AMN: variants seen among roughly 807,000 people sequenced by gnomAD.
The protein encoded by AMN is protein amnionless.
In AMN, 40 loss-of-function variants were observed where a neutral mutation model predicts 49.1. That is an observed-to-expected ratio of 0.81 (90% CI 0.63 to 1.06). The LOEUF (loss-of-function observed/expected upper bound fraction) is 1.06. Among genes scored for constraint, AMN ranks in the 50% least tolerant of loss-of-function variants. The pLI, the probability that AMN is intolerant of heterozygous loss-of-function variation, is 0.00. For missense variants in AMN, 701 were observed against 662.8 expected (o/e 1.06, Z -0.63); for synonymous variants, 380 against 313.3 (o/e 1.21, Z -2.25).
chr14:102,928,694 C>CGTGGCGTGGCGTGGT lies in AMN; in HGVS notation c.296-57_296-43dup. ...GGTCGTGCTCAGACGCGTGGCGTGG[C>CGTGGCGTGGCGTGGT]GTGGCGTGGCGTGGTGTGGCGCGGC... is the stretch of plus-strand genomic sequence containing the variant. On this transcript the variant is annotated intron_variant, in intron 4 of 11. Transcript: ENST00000299155. 3 of 1,549,806 alleles carry CGTGGCGTGGCGTGGT rather than the reference C, an allele frequency of 1.9e-6. No individual in the cohort carries two copies. In the South Asian group the frequency reaches 3.4e-5, roughly 18 times the overall value.
rs1566825424 is a variant in AMN at position 102,923,723 on chromosome 14, CG to C, written c.58del (p.Val20SerfsTer179). 16 of 1,612,602 alleles carry C rather than the reference CG, an allele frequency of 9.9e-6. No homozygotes were observed. Among genetic ancestry groups the C allele is most frequent in the Non-Finnish European group, 1.4e-5 (16 of 1,179,702 alleles). ...GCCTCCTCCCCAGCACTGACCCAGG[CG>C]GTCTCCAAACTCTGGGTCCCCAACA... ...LWLQLCALTQAVSKLWVPNTD... is the reference protein window; with the variant it reads ...LWLQLCALTQXVSKLWVPNTD... On this transcript the variant is annotated frameshift_variant, in exon 2 of 12. Transcript: ENST00000299155. LOFTEE classifies it high-confidence loss of function.
chr14:102,926,512 A>T (rs918711054), intron 3 of AMN, among the ~76,000 whole-genome samples: 3 of 151,638 alleles, frequency 2.0e-5, no homozygotes, highest in Admixed American at 2.0e-4. Flanking sequence ...TGTGGATCTC[A>T]TTGTTGCAGA....
rs780417907 is a variant in AMN, at chr14:102,930,604, C to T, written c.1286C>T (p.Pro429Leu). 8 of 1,588,648 alleles carry T rather than the reference C, an allele frequency of 5.0e-6. No individual in the cohort carries two copies. The highest frequency in any genetic ancestry group is 4.6e-5 in the East Asian group (2 of 43,040). ...LPLPRRLSLV[P>L]KAAADSTSHS... is the part of the protein sequence containing the mutation. The stretch of plus-strand genomic sequence containing the variant: ...CTGCCGCGGCGGCTCAGCCTGGTTC[C>T]GAAGGCGGCCGCAGACAGCACCAGC... The change falls in exon 12 of 12, where the codon CCG becomes CTG. Residue 429 changes from proline (P) to leucine (L), a missense_variant. Physicochemically the swap from Pro to Leu is moderately conservative, Grantham distance 98 (BLOSUM62 -3). Coordinates refer to ENST00000299155, the MANE Select transcript of AMN (RefSeq NM_030943.4).
chr14:102,930,117 G>GCGCCT (rs1891303610), intron 9 of AMN, 31 bp downstream of exon 9: 2 of 1,506,226 alleles, frequency 1.3e-6, no homozygotes, highest in Non-Finnish European at 1.8e-6. Flanking sequence ...CCGCCCCGCC[G>GCGCCT]CGCCTCGCCC....
At position 102,930,780 on chromosome 14, in the gene AMN, C is replaced by T. The variant is rs754508920; in HGVS notation, c.*100C>T. On this transcript the variant is annotated 3_prime_UTR_variant, in exon 12 of 12. Transcript: ENST00000299155. ...TCGTCCAGCCCCCAAACCTCCCCTTCCTTTCCCCCTCCTCCGGGGGCCAAG... is the reference window on the plus strand; with the variant it reads ...TCGTCCAGCCCCCAAACCTCCCCTTTCTTTCCCCCTCCTCCGGGGGCCAAG... 14 of 1,310,418 alleles carry T rather than the reference C, an allele frequency of 1.1e-5. No homozygotes were observed. Among genetic ancestry groups the T allele is most frequent in the African/African-American group, 2.9e-5 (2 of 68,410 alleles). 81.2% of individuals were successfully genotyped at this position (1,310,418 alleles called of 1,614,324 possible).
chr14:102,923,377 G>A (rs769560080), intron 1 of AMN: 2 of 390,260 alleles, frequency 5.1e-6, no homozygotes, highest in Non-Finnish European at 9.8e-6. Context: ...CCTCCTCCAT[G>A]CCCCAGTTGT....
Position 102,928,466 on chromosome 14 carries a change from C to T in AMN, c.248C>T (p.Ala83Val), listed in dbSNP as rs1220769438. The T allele has an allele frequency of 6.2e-7, 1 of 1,609,662 alleles. No homozygotes were observed. The highest frequency in any genetic ancestry group is 1.1e-5 in the South Asian group (1 of 90,730). ...LDGELVLASG[A>V]GFGVSDVGSH... ...GGGGAACTCGTCCTGGCTTCAGGAGCCGGATTCGGCGTCTCAGACGTGGGC... is the reference window on the plus strand; with the variant it reads ...GGGGAACTCGTCCTGGCTTCAGGAGTCGGATTCGGCGTCTCAGACGTGGGC... The change falls in exon 4 of 12, where the codon GCC (alanine) becomes GTC (valine). Residue 83 changes from alanine (A) to valine (V), a missense_variant. By Grantham distance (64) the Ala-to-Val change is moderately conservative. Transcript: ENST00000299155.
At chr14:102,927,084 G>C (rs369930808) in intron 3 of AMN, among the ~76,000 whole-genome samples, 2 of 152,244 alleles carry the variant, frequency 1.3e-5, no homozygotes, top group Admixed American at 6.5e-5. Flanking sequence ...GTAGAGATGG[G>C]GGTCTCACTA....
intron 1 of AMN, 133 bp downstream of exon 1, chr14:102,922,864 G>T (rs1891090028): frequency 7.9e-7 from 1 of 1,268,990 alleles, no homozygotes; most frequent in Non-Finnish European, 1.1e-6. Context: ...GGTTGGGGGC[G>T]TGAAACTCGG....
chr14:102,924,692 G>A (rs145557845), intron 3 of AMN, among the ~76,000 whole-genome samples: 5 of 152,316 alleles, frequency 3.3e-5, no homozygotes, highest in Non-Finnish European at 7.4e-5. Context: ...AGAACATGAT[G>A]GGAACTGGGA....
chr14:102,928,364 G>T, intron 3 of AMN, 62 bp from the exon 4 acceptor site: 1 of 1,450,622 alleles, frequency 6.9e-7, no homozygotes, highest in East Asian at 2.5e-5. Flanking sequence ...ACTGGGGGCG[G>T]GGTGGGCGCG....
At position 102,928,522 on chromosome 14, in the gene AMN, G is replaced by A. The variant is rs760719367; in HGVS notation, c.295+9G>A. The A allele has an allele frequency of 6.2e-7, 1 of 1,602,770 alleles. No homozygotes were observed. Among genetic ancestry groups the A allele is most frequent in the Non-Finnish European group, 8.5e-7 (1 of 1,177,488 alleles). ...CCTGGACTGTGGCGCGGGTGAGGCG[G>A]TCGGGCAGGGGCGGGGCTCTGGAAA... On this transcript the variant is annotated intron_variant, in intron 4 of 11. Transcript: ENST00000299155.
chr14:102,925,219 G>A (rs553267355), intron 3 of AMN, among the ~76,000 whole-genome samples: 211 of 152,366 alleles, frequency 1.4e-3, no homozygotes, highest in African/African-American at 4.7e-3. Flanking sequence ...TCGGGGTGTC[G>A]GCTCCAGATG....
Position 102,930,698 on chromosome 14 carries a change from G to C in AMN, c.*18G>C, listed in dbSNP as rs770379932. The C allele has an allele frequency of 8.0e-5, 125 of 1,563,054 alleles. No individual in the cohort carries two copies. The highest frequency in any genetic ancestry group is 1.0e-4 in the Non-Finnish European group (116 of 1,155,608). ...AGGCCTGAGCGGCCGCCTGACCGTC[G>C]ACCTTGGGGCTCTCCACCCGCTCTG... On this transcript the variant is annotated 3_prime_UTR_variant, in exon 12 of 12. Coordinates refer to ENST00000299155, the MANE Select transcript of AMN (RefSeq NM_030943.4).
At position 102,928,512 on chromosome 14, in the gene AMN, G is replaced by T. The variant is rs767611074; in HGVS notation, c.294G>T (p.Ala98=). ...SDVGSHLDCG[A]GEPAVFRDSD... The stretch of plus-strand genomic sequence containing the variant: ...TGGGCTCGCACCTGGACTGTGGCGC[G>T]GGTGAGGCGGTCGGGCAGGGGCGGG... The change falls in exon 4 of 12, where the codon GCG becomes GCT. Residue 98 remains alanine, a splice_region_variant and synonymous_variant. Transcript: ENST00000299155. The T allele has an allele frequency of 6.2e-7, 1 of 1,605,796 alleles. No homozygotes were observed.
At position 102,930,106 on chromosome 14, in the gene AMN, C is replaced by A. The variant is rs1352549760; in HGVS notation, c.1006+20C>A. ...AGAACGGTAACCGCGCCCGCCCCAT[C>A]CCGCCCCGCCGCGCCTCGCCCCGCC... On this transcript the variant is annotated intron_variant, in intron 9 of 11. Coordinates refer to ENST00000299155, the MANE Select transcript of AMN (RefSeq NM_030943.4). 6 of 1,515,228 alleles carry A rather than the reference C, an allele frequency of 4.0e-6. No homozygotes were observed. In the Admixed American group the frequency reaches 6.4e-5, roughly 16 times the overall value. The allele number at this position is 1,515,228 out of a possible 1,614,324, so 93.9% of individuals were successfully genotyped here.
At position 102,930,421 on chromosome 14, in the gene AMN, G is replaced by A. The variant is rs1357415890; in HGVS notation, c.1185G>A (p.Glu395=). The A allele has an allele frequency of 3.3e-6, 5 of 1,520,556 alleles. No individual in the cohort carries two copies. The East Asian group carries it at 7.6e-5, about 23-fold the overall frequency. 94.2% of individuals were successfully genotyped at this position (1,520,556 alleles called of 1,614,324 possible). A position where few individuals can be genotyped will look rare whatever the true frequency, so the allele number is the denominator to read the frequency against. Residue 395 remains glutamate (E), a synonymous_variant, in exon 11 of 12, where the codon GAG becomes GAA. Coordinates refer to ENST00000299155, the MANE Select transcript of AMN (RefSeq NM_030943.4). ...RAGRLRWRRH[E]AAAPAGAPLG... is the part of the protein sequence containing the mutation. Reference sequence around the variant, plus strand: ...ACGCCCTCAGGTGGAGGAGGCACGAGGCGGCGGCCCCGGCTGGAGCGCCCC... The same window carrying A: ...ACGCCCTCAGGTGGAGGAGGCACGAAGCGGCGGCCCCGGCTGGAGCGCCCC...
intron 3 of AMN, 107 bp downstream of exon 3, chr14:102,924,086 T>A: frequency 6.7e-7 from 1 of 1,497,682 alleles, no homozygotes; most frequent in Non-Finnish European, 9.3e-7. Context: ...ATGGAGGCAC[T>A]GCAGGACTGG....
chr14:102,925,547 A>C (rs1891166768), intron 3 of AMN, among the ~76,000 whole-genome samples: 1 of 151,954 alleles, frequency 6.6e-6, no homozygotes, highest in Non-Finnish European at 1.5e-5. Context: ...AGCCCGAGTG[A>C]GGGGGGCACT....
Sources: gnomAD v4.1 joint callset for allele counts (sites outside exome capture counted in the v4.1 genomes callset) on GRCh38, gnomAD v4.1.1 for gene constraint, MANE v1.5 for transcripts, NCBI Gene and HGNC (gene_info 2026-07-23, HGNC 2026-07-21) for gene names.